ARIH1: variants seen among roughly 807,000 people sequenced by gnomAD.
ARIH1 encodes E3 ubiquitin-protein ligase ARIH1.
In ARIH1, 8 loss-of-function variants were observed where a neutral mutation model predicts 85.0. The observed-to-expected ratio is 0.09, with a 90% CI of 0.06 to 0.17. The LOEUF is 0.17. Among genes scored for constraint, ARIH1 ranks in the 10% least tolerant of loss-of-function variants. The pLI is 1.00. For synonymous variants in ARIH1, 238 were observed against 253.6 expected (o/e 0.94, Z 0.59); for missense variants, 311 against 718.1 (o/e 0.43, Z 6.48).
At chr15:72,507,051 C>G (rs181080417) in intron 1 of ARIH1, among the ~76,000 whole-genome samples, 7 of 152,152 alleles carry the variant, frequency 4.6e-5, no homozygotes, top group African/African-American at 1.7e-4. Flanking sequence ...GAAACGCAGT[C>G]GTGCCCTGTC....
chr15:72,502,133 T>C (rs1341318375), intron 1 of ARIH1, among the ~76,000 whole-genome samples: 1 of 152,184 alleles, frequency 6.6e-6, no homozygotes, highest in East Asian at 1.9e-4. Flanking sequence ...TACCCTTCCA[T>C]TATCTCTCCC....
chr15:72,525,451 G>A (rs1346490063), intron 2 of ARIH1, among the ~76,000 whole-genome samples: 1 of 152,166 alleles, frequency 6.6e-6, no homozygotes, highest in South Asian at 2.1e-4. Context: ...TAATGTTGAA[G>A]CATCAGAAAC....
intron 1 of ARIH1, among the ~76,000 whole-genome samples, chr15:72,498,411 G>GCA (rs2063888890): frequency 1.3e-5 from 2 of 152,008 alleles, no homozygotes. Flanking sequence ...TCCTATTGTT[G>GCA]GACATCTAAT....
At chr15:72,552,165 G>A (rs1051964307) in intron 3 of ARIH1, among the ~76,000 whole-genome samples, 1 of 152,038 alleles carries the variant, frequency 6.6e-6, no homozygotes, top group Non-Finnish European at 1.5e-5. Flanking sequence ...CAATGCAGTA[G>A]TATAGTAGGA....
At chr15:72,571,216 TG>T (rs2064244700) in intron 10 of ARIH1, among the ~76,000 whole-genome samples, 1 of 151,186 alleles carries the variant, frequency 6.6e-6, no homozygotes, top group South Asian at 2.1e-4. Flanking sequence ...AAGCCTCCAC[TG>T]GGTGACAGGC....
intron 1 of ARIH1, among the ~76,000 whole-genome samples, chr15:72,490,323 G>A (rs899714570): frequency 1.3e-5 from 2 of 152,046 alleles, no homozygotes; most frequent in African/African-American, 2.4e-5. Flanking sequence ...CAATCCTCAG[G>A]CTGTGGCCTG....
At position 72,561,512 on chromosome 15, in the gene ARIH1, T is replaced by C; in HGVS notation, c.767T>C (p.Leu256Ser). 1 of 1,600,264 alleles carries C rather than the reference T, an allele frequency of 6.2e-7. No homozygotes were observed. The highest frequency in any genetic ancestry group is 8.5e-7 in the Non-Finnish European group (1 of 1,170,520). The stretch of plus-strand genomic sequence containing the variant: ...CTGATCACAGATTCAAAAGTTAAAT[T>C]AAAGTATCAGCATTTAATAACAAAT... ...MRLITDSKVK[L>S]KYQHLITNSF... The change falls in exon 6 of 14, where the codon TTA becomes TCA. Residue 256 changes from leucine to serine, a missense_variant. Physicochemically the swap from Leu to Ser is moderately radical, Grantham distance 145 (BLOSUM62 -2). This residue lies in a region of ARIH1 where 104 missense variants were observed against 221.4 expected (regional missense o/e 0.47). Coordinates refer to ENST00000379887, the MANE Select transcript of ARIH1 (RefSeq NM_005744.5).
In ARIH1 at chr15:72,536,194, T is replaced by G. The variant is rs987851731; in HGVS notation, c.444-8626T>G. Reference sequence around the variant, plus strand: ...CCTGTATTGTACAGATGTTCTCCATTCTGTGTTAGAAAAAGAATAGTCATT... The same window carrying G: ...CCTGTATTGTACAGATGTTCTCCATGCTGTGTTAGAAAAAGAATAGTCATT... On this transcript the variant is annotated intron_variant, in intron 2 of 13. Coordinates refer to ENST00000379887, the MANE Select transcript of ARIH1 (RefSeq NM_005744.5). Among the ~76,000 whole-genome samples the G allele has an allele frequency of 4.6e-5, 7 of 152,330 alleles. No homozygotes were observed. The South Asian group carries it at 6.2e-4, about 14-fold the overall frequency.
intron 3 of ARIH1, among the ~76,000 whole-genome samples, chr15:72,547,373 C>A (rs2140425388): frequency 6.6e-6 from 1 of 151,934 alleles, no homozygotes; most frequent in East Asian, 1.9e-4. Context: ...GCTGGGACTA[C>A]AAGCGCCGGC....
intron 3 of ARIH1, among the ~76,000 whole-genome samples, chr15:72,554,571 G>T (rs995217178): frequency 2.0e-5 from 3 of 152,022 alleles, no homozygotes; most frequent in Non-Finnish European, 4.4e-5. Flanking sequence ...ATTTTTTGTG[G>T]AGACAGAGTC....
chr15:72,478,774 C>T (rs1221818678), intron 1 of ARIH1, among the ~76,000 whole-genome samples: 1 of 152,198 alleles, frequency 6.6e-6, no homozygotes, highest in Non-Finnish European at 1.5e-5. Context: ...GATTTTGACT[C>T]AGGCAGGGTG....
At chr15:72,516,918 T>A (rs1331941640) in intron 1 of ARIH1, among the ~76,000 whole-genome samples, 1 of 152,144 alleles carries the variant, frequency 6.6e-6, no homozygotes, top group Non-Finnish European at 1.5e-5. Context: ...AGCAGACACA[T>A]GTTTGAGTTC....
intron 2 of ARIH1, among the ~76,000 whole-genome samples, chr15:72,538,103 C>G (rs1394025623): frequency 2.6e-5 from 4 of 152,168 alleles, no homozygotes; most frequent in African/African-American, 9.7e-5. Context: ...GTAGCTCACA[C>G]CTGTAATCCC....
At chr15:72,521,485 T>C (rs1029833470) in intron 2 of ARIH1, among the ~76,000 whole-genome samples, 3 of 152,116 alleles carry the variant, frequency 2.0e-5, no homozygotes, top group African/African-American at 7.2e-5. Context: ...TCCATTCTCT[T>C]GATGCTTTCT....
intron 1 of ARIH1, among the ~76,000 whole-genome samples, chr15:72,486,036 A>G (rs567631989): frequency 1.3e-3 from 199 of 152,262 alleles, no homozygotes; most frequent in African/African-American, 4.5e-3. Context: ...AAAAGCTGTC[A>G]AGCCACTTTT....
At chr15:72,482,901 C>G (rs1005799026) in intron 1 of ARIH1, among the ~76,000 whole-genome samples, 6 of 148,388 alleles carry the variant, frequency 4.0e-5, no homozygotes, top group Middle Eastern at 3.5e-3. Context: ...AGTGCAATGG[C>G]ATAATCTCGG....
chr15:72,474,379 C>A lies in ARIH1; in HGVS notation c.-261C>A, dbSNP rs1473201539. On this transcript the variant is annotated 5_prime_UTR_variant, in exon 1 of 14. Coordinates refer to ENST00000379887, the MANE Select transcript of ARIH1 (RefSeq NM_005744.5). The stretch of plus-strand genomic sequence containing the variant: ...GGTGGCGTTGGGGACTGTTTTCTCT[C>A]GGAGGCCGGAGCGGAGCCGCGTCTG... 2.1e-6 allele frequency: 1 copy of A among 486,354 alleles called. No homozygotes were observed. Among genetic ancestry groups the A allele is most frequent in the Non-Finnish European group, 3.6e-6 (1 of 276,370 alleles). 30.1% of individuals were successfully genotyped at this position (486,354 alleles called of 1,614,324 possible). A position where few individuals can be genotyped will look rare whatever the true frequency, so the allele number is the denominator to read the frequency against.
intron 7 of ARIH1, among the ~76,000 whole-genome samples, chr15:72,564,283 T>A (rs529998151): frequency 1.4e-4 from 22 of 152,356 alleles, no homozygotes; most frequent in Admixed American, 1.4e-3. Flanking sequence ...TTCAGCCAAC[T>A]TCTTTGCCAC....
chr15:72,484,248 C>T lies in ARIH1; in HGVS notation c.375+9234C>T, dbSNP rs563306432. The stretch of plus-strand genomic sequence containing the variant: ...CAGTTACAAGAAATAATGCAAAAAT[C>T]CCACATATTCTTTTTTCCAAAAAAT... On this transcript the variant is annotated intron_variant, in intron 1 of 13. Transcript: ENST00000379887. Among the ~76,000 whole-genome samples, 5 of 151,216 alleles carry T rather than the reference C, an allele frequency of 3.3e-5. No individual in the cohort carries two copies. The South Asian group carries it at 8.3e-4, about 25-fold the overall frequency.
Sources: gnomAD v4.1 joint callset for allele counts (sites outside exome capture counted in the v4.1 genomes callset) on GRCh38, gnomAD v4.1.1 for gene constraint, gnomAD v4.1.1 regional missense constraint, MANE v1.5 for transcripts, NCBI Gene and HGNC (gene_info 2026-07-23, HGNC 2026-07-21) for gene names.